ERBB4: variants seen among roughly 807,000 people sequenced by gnomAD.
ERBB4 encodes the protein erb-b2 receptor tyrosine kinase 4, also known as receptor tyrosine-protein kinase erbB-4.
In ERBB4, 42 loss-of-function variants were observed where a neutral mutation model predicts 158.0. The observed-to-expected ratio is 0.27, with a 90% confidence interval of 0.21 to 0.34. ERBB4 has a LOEUF of 0.34. Ranked by LOEUF, ERBB4 falls within the 10% of genes least tolerant of loss-of-function variation. The pLI, the probability that ERBB4 is intolerant of heterozygous loss-of-function variation, is 1.00. For missense variants in ERBB4, 1,333 were observed against 1,624.1 expected (o/e 0.82, Z 3.08); for synonymous variants, 583 against 558.7 (o/e 1.04, Z -0.61).
intron 1 of ERBB4, among the ~76,000 whole-genome samples, chr2:212,285,054 G>A (rs1207932704): frequency 6.6e-6 from 1 of 152,062 alleles, no homozygotes; most frequent in Non-Finnish European, 1.5e-5. Flanking sequence ...AAAACAAGAT[G>A]TAAGATATCA....
intron 20 of ERBB4, among the ~76,000 whole-genome samples, chr2:211,432,711 TTC>T (rs1020976028): frequency 3.9e-5 from 6 of 152,224 alleles, no homozygotes; most frequent in African/African-American, 1.2e-4. Context: ...ACATTCATTA[TTC>T]TCTTTCTTAT....
chr2:212,177,176 AT>A (rs954635165), intron 1 of ERBB4, among the ~76,000 whole-genome samples: 12 of 151,778 alleles, frequency 7.9e-5, no homozygotes, highest in Non-Finnish European at 1.2e-4. Context: ...GAATTATAGA[AT>A]TTTTTTGTAA....
intron 1 of ERBB4, among the ~76,000 whole-genome samples, chr2:212,149,271 G>GC (rs1451592480): frequency 6.6e-6 from 1 of 152,012 alleles, no homozygotes; most frequent in Admixed American, 6.6e-5. Context: ...CTGTTTATAA[G>GC]CCTCCAATTG....
intron 3 of ERBB4, among the ~76,000 whole-genome samples, chr2:211,799,413 G>A (rs59827447): frequency 0.03 from 4,628 of 151,952 alleles, 229 homozygotes; most frequent in African/African-American, 0.1. Context: ...AAATCTTTGC[G>A]GATCTTTGTC....
chr2:211,747,816 T>C (rs2075018436), intron 5 of ERBB4, among the ~76,000 whole-genome samples: 1 of 151,794 alleles, frequency 6.6e-6, no homozygotes, highest in African/African-American at 2.4e-5. Flanking sequence ...CATCTATGTA[T>C]ATATAATATA....
At chr2:211,998,195 T>A (rs546560453) in intron 2 of ERBB4, among the ~76,000 whole-genome samples, 30 of 151,874 alleles carry the variant, frequency 2.0e-4, no homozygotes, top group African/African-American at 6.8e-4. Flanking sequence ...ATAAAAAAAA[T>A]GAAACCACCA....
At chr2:211,886,972 C>G (rs1245070311) in intron 3 of ERBB4, among the ~76,000 whole-genome samples, 1 of 152,158 alleles carries the variant, frequency 6.6e-6, no homozygotes, top group Non-Finnish European at 1.5e-5. Flanking sequence ...ATTCCAGTAC[C>G]ACTTCTCTGC....
At chr2:212,066,018 A>G (rs577718105) in intron 2 of ERBB4, among the ~76,000 whole-genome samples, 1 of 152,116 alleles carries the variant, frequency 6.6e-6, no homozygotes, top group African/African-American at 2.4e-5. Flanking sequence ...CATGCCAGAA[A>G]AAGAATCTTA....
intron 2 of ERBB4, among the ~76,000 whole-genome samples, chr2:212,075,659 T>A (rs1037597271): frequency 6.6e-6 from 1 of 151,892 alleles, no homozygotes; most frequent in Admixed American, 6.6e-5. Flanking sequence ...TTCTTGAATG[T>A]AGAGAAACAC....
chr2:212,175,133 A>G (rs756316704), intron 1 of ERBB4, among the ~76,000 whole-genome samples: 1 of 152,022 alleles, frequency 6.6e-6, no homozygotes, highest in Non-Finnish European at 1.5e-5. Flanking sequence ...CTTTCTTCTA[A>G]TTTCAGAGAC....
intron 25 of ERBB4, among the ~76,000 whole-genome samples, chr2:211,416,483 A>G (rs1198424653): frequency 6.6e-6 from 1 of 152,198 alleles, no homozygotes; most frequent in South Asian, 2.1e-4. Flanking sequence ...GCCTGACCAT[A>G]TGTAAAAATA....
intron 17 of ERBB4, among the ~76,000 whole-genome samples, chr2:211,627,214 G>C (rs1391232490): frequency 6.6e-6 from 1 of 152,086 alleles, no homozygotes; most frequent in Non-Finnish European, 1.5e-5. Context: ...ACTGCCTCAA[G>C]CTGGCCATGA....
intron 3 of ERBB4, among the ~76,000 whole-genome samples, chr2:211,917,340 C>G (rs541235907): frequency 2.0e-4 from 30 of 152,230 alleles, no homozygotes; most frequent in African/African-American, 7.2e-4. Flanking sequence ...CGTATTTTCC[C>G]GGCTCTTAGG....
intron 8 of ERBB4, 120 bp from the exon 9 acceptor site, chr2:211,712,296 A>G: frequency 9.7e-7 from 1 of 1,031,052 alleles, no homozygotes; most frequent in Non-Finnish European, 1.4e-6. Context: ...ATATATTACA[A>G]ATTTTGTTTT....
intron 1 of ERBB4, among the ~76,000 whole-genome samples, chr2:212,314,019 A>AT (rs2087160260): frequency 6.6e-6 from 1 of 151,088 alleles, no homozygotes; most frequent in Non-Finnish European, 1.5e-5. Context: ...ACAGTGAAAA[A>AT]TATAGTTAAA....
chr2:211,469,084 C>T (rs1160319656), intron 20 of ERBB4, among the ~76,000 whole-genome samples: 1 of 151,934 alleles, frequency 6.6e-6, no homozygotes, highest in Non-Finnish European at 1.5e-5. Flanking sequence ...TGTAATGAGA[C>T]CAAACAGAGC....
intron 1 of ERBB4, among the ~76,000 whole-genome samples, chr2:212,356,815 T>C (rs567098729): frequency 1.8e-4 from 27 of 152,048 alleles, no homozygotes; most frequent in Admixed American, 8.6e-4. Context: ...ACATCACCTA[T>C]GATGCTATTT....
chr2:212,142,105 T>C (rs976255164), intron 1 of ERBB4, among the ~76,000 whole-genome samples: 1 of 152,184 alleles, frequency 6.6e-6, no homozygotes, highest in Non-Finnish European at 1.5e-5. Flanking sequence ...TTCAAAATGC[T>C]GATTATCAAT....
Position 211,413,310 on chromosome 2 carries a change from ACAC to A in ERBB4, c.3135+7128_3135+7130del, listed in dbSNP as rs1427553242. On this transcript the variant is annotated intron_variant, in intron 25 of 27. Coordinates refer to ENST00000342788, the MANE Select transcript of ERBB4 (RefSeq NM_005235.3). ...GACAGAGAGAGACCCTGTCTTAAAA[ACAC>A]ACACACACACACACACACACACACA... Among the ~76,000 whole-genome samples, 21 of 95,878 alleles carry A rather than the reference ACAC, an allele frequency of 2.2e-4. 2 individuals are homozygous for A. Among genetic ancestry groups the A allele is most frequent in the Admixed American group, 1.2e-3 (12 of 9,730 alleles). 62.9% of individuals were successfully genotyped at this position (95,878 alleles called of 152,430 possible).
Sources: allele counts gnomAD v4.1 joint callset (sites outside exome capture counted in the v4.1 genomes callset), GRCh38; gene constraint gnomAD v4.1.1; transcripts MANE v1.5; gene names NCBI Gene and HGNC (gene_info 2026-07-23, HGNC 2026-07-21).